Variants in COL4A6 observed in about 807,000 individuals in gnomAD.
COL4A6 encodes collagen type IV alpha 6 chain, also known as collagen alpha-6(IV) chain.
COL4A6 carries 59 observed loss-of-function variants against 126.7 expected under a neutral mutation model. That is an observed-to-expected ratio of 0.47 (90% CI 0.38 to 0.58). The LOEUF (loss-of-function observed/expected upper bound fraction) is 0.58, where lower values mean the gene tolerates loss of function less well. Among genes scored for constraint, COL4A6 ranks in the 20% least tolerant of loss-of-function variants. The probability of loss-of-function intolerance (pLI) is 0.00; values close to 1 mark genes in which losing one functional copy is unlikely to be tolerated. For synonymous variants in COL4A6, 547 were observed against 496.6 expected (o/e 1.10, Z -1.35); for missense variants, 1,285 against 1,337.3 (o/e 0.96, Z 0.61).
intron 3 of COL4A6, among the ~76,000 whole-genome samples, chrX:108,300,366 C>CTCTG (rs1337028378): frequency 0.041 from 3,973 of 98,083 alleles, 223 homozygotes; most frequent in African/African-American, 0.13. Context: ...CTCTCTCTCT[C>CTCTG]TGTGTGTGTG....
intron 2 of COL4A6, among the ~76,000 whole-genome samples, chrX:108,312,939 A>AG (rs1556166218): frequency 9.0e-6 from 1 of 111,659 alleles, no homozygotes; most frequent in Non-Finnish European, 1.9e-5. Context: ...GAAAAAAAAA[A>AG]CAATAGCAGG....
chrX:108,436,739 C>G (rs2064274842), intron 2 of COL4A6, among the ~76,000 whole-genome samples: 1 of 111,790 alleles, frequency 8.9e-6, no homozygotes, highest in Non-Finnish European at 1.9e-5. Context: ...TAAGGGGTCA[C>G]AAGATGTTGG....
At chrX:108,359,507 G>A (rs1254156884) in intron 2 of COL4A6, among the ~76,000 whole-genome samples, 1 of 112,584 alleles carries the variant, frequency 8.9e-6, no homozygotes, top group Non-Finnish European at 1.9e-5. Context: ...CCTGTACCAG[G>A]AGATTCATGA....
At chrX:108,299,969 T>C (rs2038441183) in intron 3 of COL4A6, among the ~76,000 whole-genome samples, 1 of 111,878 alleles carries the variant, frequency 8.9e-6, no homozygotes. Flanking sequence ...AACTCTGCCT[T>C]ATACTTATAA....
chrX:108,409,274 A>G (rs182565891), intron 2 of COL4A6, among the ~76,000 whole-genome samples: 337 of 111,880 alleles, frequency 3.0e-3, no homozygotes, highest in African/African-American at 0.011. Flanking sequence ...AATCTAGCAA[A>G]CTGTTCACCC....
At chrX:108,418,401 G>A (rs1216085796) in intron 2 of COL4A6, among the ~76,000 whole-genome samples, 1 of 111,749 alleles carries the variant, frequency 8.9e-6, no homozygotes, top group African/African-American at 3.2e-5. Context: ...TCTTCATAAA[G>A]GTCTCATAGC....
intron 2 of COL4A6, among the ~76,000 whole-genome samples, chrX:108,357,266 C>G (rs1445642869): frequency 9.0e-6 from 1 of 111,500 alleles, no homozygotes; most frequent in Non-Finnish European, 1.9e-5. Context: ...ATTATACACA[C>G]TGGGAACAAG....
chrX:108,346,136 G>A (rs1449607673), intron 2 of COL4A6, among the ~76,000 whole-genome samples: 4 of 111,350 alleles, frequency 3.6e-5, no homozygotes, highest in African/African-American at 3.3e-5. Context: ...TTGCCACCTG[G>A]AGCCATGTGG....
chrX:108,221,782 C>T (rs1222813229), intron 3 of COL4A6, among the ~76,000 whole-genome samples: 1 of 112,540 alleles, frequency 8.9e-6, no homozygotes, highest in Non-Finnish European at 1.9e-5. Flanking sequence ...CATGTGCTTG[C>T]AGTGAAATCC....
intron 2 of COL4A6, among the ~76,000 whole-genome samples, chrX:108,343,030 A>G (rs2039605163): frequency 9.4e-6 from 1 of 106,931 alleles, no homozygotes; most frequent in Non-Finnish European, 1.9e-5. Context: ...ACTTTTTTTA[A>G]TGTGTGTAGA....
intron 34 of COL4A6, 29 bp downstream of exon 34, chrX:108,170,781 C>T (rs2034276226): frequency 1.7e-6 from 2 of 1,204,695 alleles, no homozygotes; most frequent in African/African-American, 3.5e-5. Flanking sequence ...CAAACTCTTT[C>T]AGAATAAGGT....
rs368314771 is a variant in COL4A6 at position 108,170,938 on chromosome X, C to A, written c.3278-21G>T. ...TGTGCCTATAAAACCAAGAAAAATG[C>A]TGAGTGATTAGGCCATATTTCTAGC... On this transcript the variant is annotated intron_variant, in intron 33 of 44. Coordinates refer to ENST00000334504, the MANE Select transcript of COL4A6 (RefSeq NM_033641.4). 7 of 1,151,336 alleles carry A rather than the reference C, an allele frequency of 6.1e-6. No individual in the cohort carries two copies. The African/African-American group carries it at 1.2e-4, about 20-fold the overall frequency. The allele number at this position is 1,151,336 out of a possible 1,213,427, so 94.9% of individuals were successfully genotyped here.
rs777992978 is a variant in COL4A6 at position 108,329,403 on chromosome X, TA to T, written c.64-18576del. Among the ~76,000 whole-genome samples the T allele has an allele frequency of 8.0e-5, 9 of 111,900 alleles. No homozygotes were observed. The South Asian group carries it at 3.4e-3, about 42-fold the overall frequency. On this transcript the variant is annotated intron_variant, in intron 2 of 44. Transcript: ENST00000334504. ...AAAAAATACAATGACTTAAGAGATT[TA>T]TCATCCAATCACAATGTAGGGACTT... is the stretch of plus-strand genomic sequence containing the variant.
chrX:108,164,480 A>C, intron 40 of COL4A6, 120 bp downstream of exon 40: 1 of 657,906 alleles, frequency 1.5e-6, no homozygotes, highest in Non-Finnish European at 2.4e-6. Context: ...GGGTACCTTG[A>C]TCCAGCTGTT....
chrX:108,246,291 A>G (rs982380590), intron 3 of COL4A6, among the ~76,000 whole-genome samples: 3 of 112,245 alleles, frequency 2.7e-5, no homozygotes, highest in Admixed American at 1.9e-4. Flanking sequence ...ATCCATTTAT[A>G]TCAGTTAAAG....
intron 3 of COL4A6, among the ~76,000 whole-genome samples, chrX:108,234,212 T>C (rs1449579429): frequency 8.9e-6 from 1 of 112,268 alleles, no homozygotes; most frequent in African/African-American, 3.2e-5. Flanking sequence ...GGTTAACTTG[T>C]CCATGGCCAT....
At chrX:108,371,857 A>G (rs918593672) in intron 2 of COL4A6, among the ~76,000 whole-genome samples, 3 of 54,801 alleles carry the variant, frequency 5.5e-5, no homozygotes, top group Admixed American at 3.3e-4. Context: ...AATATGAAGG[A>G]AAAAAAAAAA....
chrX:108,394,942 GT>G (rs753487554), intron 2 of COL4A6, among the ~76,000 whole-genome samples: 62 of 105,973 alleles, frequency 5.9e-4, no homozygotes, highest in African/African-American at 1.3e-3. Context: ...GAAGAGTTAA[GT>G]TTTTTTTTTA....
At chrX:108,431,678 T>C (rs1274316251) in intron 2 of COL4A6, among the ~76,000 whole-genome samples, 1 of 111,251 alleles carries the variant, frequency 9.0e-6, no homozygotes, top group Non-Finnish European at 1.9e-5. Context: ...AACCCGGTAA[T>C]GTATTATTTT....
Sources: gnomAD v4.1 joint callset for allele counts (sites outside exome capture counted in the v4.1 genomes callset) on GRCh38, gnomAD v4.1.1 for gene constraint, MANE v1.5 for transcripts, NCBI Gene and HGNC (gene_info 2026-07-23, HGNC 2026-07-21) for gene names.